The following HTR1F variants were observed in gnomAD, a reference collection of about 807,000 sequenced individuals.
HTR1F encodes the protein 5-hydroxytryptamine (serotonin) receptor 1F, G protein-coupled.
In HTR1F, 17 loss-of-function variants were observed where a neutral mutation model predicts 24.0. The ratio of observed to expected loss-of-function variants is 0.71; its 90% CI spans 0.48 to 1.06. The LOEUF (loss-of-function observed/expected upper bound fraction) is 1.06, where lower values mean the gene tolerates loss of function less well. Among genes scored for constraint, HTR1F ranks in the 50% least tolerant of loss-of-function variants. The probability of loss-of-function intolerance (pLI) is 0.00; values close to 1 mark genes in which losing one functional copy is unlikely to be tolerated. For synonymous variants in HTR1F, 186 were observed against 156.8 expected (o/e 1.19, Z -1.39); for missense variants, 391 against 427.8 (o/e 0.91, Z 0.76).
At chr3:87,842,291 G>A (rs983217993) in intron 2 of HTR1F, among the ~76,000 whole-genome samples, 1 of 151,604 alleles carries the variant, frequency 6.6e-6, no homozygotes. Flanking sequence ...CTCCCGAGTA[G>A]CTGGGATTAT....
At chr3:87,839,036 T>G (rs895386108) in intron 2 of HTR1F, among the ~76,000 whole-genome samples, 3 of 150,770 alleles carry the variant, frequency 2.0e-5, no homozygotes, top group Non-Finnish European at 4.4e-5. Flanking sequence ...TTTTTTTTTT[T>G]GCTGTCTAGA....
chr3:87,825,431 C>G (rs1199627511), intron 2 of HTR1F, among the ~76,000 whole-genome samples: 1 of 152,100 alleles, frequency 6.6e-6, no homozygotes, highest in East Asian at 1.9e-4. Flanking sequence ...TGTACTATTG[C>G]TTTCATGTCA....
intron 2 of HTR1F, among the ~76,000 whole-genome samples, chr3:87,931,074 T>C (rs149960806): frequency 2.0e-3 from 307 of 151,574 alleles, no homozygotes; most frequent in African/African-American, 7.3e-3. Flanking sequence ...TATTATACTT[T>C]AAGTTTTAGC....
chr3:87,975,682 G>T (rs1192972244), intron 2 of HTR1F, among the ~76,000 whole-genome samples: 4 of 152,160 alleles, frequency 2.6e-5, no homozygotes, highest in African/African-American at 7.2e-5. Flanking sequence ...TTTAGATAAA[G>T]TCAGTGTACA....
At position 87,867,357 on chromosome 3, in the gene HTR1F, GTCTC is replaced by G. The variant is rs61549461; in HGVS notation, c.-43+45248_-43+45251del. On this transcript the variant is annotated intron_variant, in intron 2 of 2. Transcript: ENST00000319595. ...TGTTCTATCTTACCTTTCTCTTTTT[GTCTC>G]TCTCTCTCTCTCTCATATATTTTCT... is the stretch of plus-strand genomic sequence containing the variant. 4.0e-5 allele frequency among the ~76,000 whole-genome samples: 6 copies of G among 149,184 alleles called. No homozygotes were observed. The East Asian group carries it at 9.8e-4, about 24-fold the overall frequency.
At chr3:87,965,802 ATTC>A (rs1559651019) in intron 2 of HTR1F, among the ~76,000 whole-genome samples, 2 of 152,206 alleles carry the variant, frequency 1.3e-5, no homozygotes, top group Non-Finnish European at 2.9e-5. Flanking sequence ...GTGCCTGTGA[ATTC>A]TTCTTCAAGT....
intron 2 of HTR1F, among the ~76,000 whole-genome samples, chr3:87,923,347 T>TG (rs1704052653): frequency 6.6e-6 from 1 of 151,990 alleles, no homozygotes; most frequent in Non-Finnish European, 1.5e-5. Flanking sequence ...GCAGGTCTCT[T>TG]GGGGGACATG....
intron 2 of HTR1F, chr3:87,910,407 A>C (rs1703752738): frequency 6.6e-6 from 1 of 152,032 alleles, no homozygotes; most frequent in South Asian, 2.1e-4. Flanking sequence ...GGTTCAATTC[A>C]ACAAGGAAAC....
rs2107528386 is a variant in HTR1F, at chr3:87,991,567, A to C, written c.818A>C (p.Lys273Thr). 6.2e-7 allele frequency: 1 copy of C among 1,614,070 alleles called. No individual in the cohort carries two copies. Among genetic ancestry groups the C allele is most frequent in the South Asian group, 1.1e-5 (1 of 91,082 alleles). The change falls in exon 3 of 3, where the codon AAG becomes ACG. Residue 273 changes from lysine (K) to threonine (T), a missense_variant. Transcript: ENST00000319595. ...STVRSLRSEF[K>T]HEKSWRRQKI... Reference sequence around the variant, plus strand: ...GTGAGAAGTCTCAGGTCTGAATTCAAGCATGAGAAATCTTGGAGAAGGCAA... The same window carrying C: ...GTGAGAAGTCTCAGGTCTGAATTCACGCATGAGAAATCTTGGAGAAGGCAA...
rs750775847 is a variant in HTR1F at position 87,958,327 on chromosome 3, A to G, written c.-42-32381A>G. On this transcript the variant is annotated intron_variant, in intron 2 of 2. Coordinates refer to ENST00000319595, the MANE Select transcript of HTR1F (RefSeq NM_001322209.2). ...TTTTGTTTTTGTTTTGTTTTGTTTT[A>G]TTTTCTGGTCTAATTGTTCCATCAT... is the stretch of plus-strand genomic sequence containing the variant. 1.1e-4 allele frequency among the ~76,000 whole-genome samples: 16 copies of G among 150,738 alleles called. 1 individual carries two copies. Among genetic ancestry groups the G allele is most frequent in the Admixed American group, 2.6e-4 (4 of 15,106 alleles).
intron 2 of HTR1F, among the ~76,000 whole-genome samples, chr3:87,911,073 C>A (rs1362568700): frequency 1.3e-5 from 2 of 151,678 alleles, no homozygotes; most frequent in Non-Finnish European, 2.9e-5. Context: ...ACTAGAGAAG[C>A]AAAAGCAAAC....
chr3:87,978,678 T>C (rs146102447), intron 2 of HTR1F, among the ~76,000 whole-genome samples: 208 of 152,048 alleles, frequency 1.4e-3, no homozygotes, highest in African/African-American at 4.9e-3. Context: ...GTCATCCCAA[T>C]GTCTCTGTGA....
chr3:87,972,327 T>G (rs1404407799), intron 2 of HTR1F, among the ~76,000 whole-genome samples: 1 of 152,204 alleles, frequency 6.6e-6, no homozygotes. Context: ...ATCTATTGCT[T>G]GCCTTTTCTA....
In HTR1F at chr3:87,817,615, C is replaced by G. The variant is rs1327407449; in HGVS notation, c.-159-4393C>G. On this transcript the variant is annotated intron_variant, in intron 1 of 2. Coordinates refer to ENST00000319595, the MANE Select transcript of HTR1F (RefSeq NM_001322209.2). Reference sequence around the variant, plus strand: ...TGTCGTTGTTTTGAATATGAACTAACCAACACTTTTGGCAATACTGCAAAC... The same window carrying G: ...TGTCGTTGTTTTGAATATGAACTAAGCAACACTTTTGGCAATACTGCAAAC... Among the ~76,000 whole-genome samples, 4 of 152,244 alleles carry G rather than the reference C, an allele frequency of 2.6e-5. No individual in the cohort carries two copies. The East Asian group carries it at 7.7e-4, about 29-fold the overall frequency.
At chr3:87,896,951 T>C (rs1333113636) in intron 2 of HTR1F, among the ~76,000 whole-genome samples, 1 of 152,136 alleles carries the variant, frequency 6.6e-6, no homozygotes, top group African/African-American at 2.4e-5. Context: ...CCTTGTACGC[T>C]GTTGGTGGGA....
At chr3:87,866,743 G>A (rs2932285) in intron 2 of HTR1F, among the ~76,000 whole-genome samples, 5 of 151,478 alleles carry the variant, frequency 3.3e-5, no homozygotes, top group Non-Finnish European at 5.9e-5. Context: ...TTCTCTTAAC[G>A]TAGTGATTTC....
chr3:87,928,915 G>A (rs768289629), intron 2 of HTR1F, among the ~76,000 whole-genome samples: 1 of 152,152 alleles, frequency 6.6e-6, no homozygotes, highest in Non-Finnish European at 1.5e-5. Context: ...AGCTGTCTGA[G>A]TCTAAAAGCT....
intron 1 of HTR1F, among the ~76,000 whole-genome samples, chr3:87,803,547 A>C (rs1704027562): frequency 6.6e-6 from 1 of 152,152 alleles, no homozygotes; most frequent in Non-Finnish European, 1.5e-5. Flanking sequence ...ATATTCAGAA[A>C]GGTTACAGTA....
At chr3:87,956,148 C>A (rs1274446015) in intron 2 of HTR1F, among the ~76,000 whole-genome samples, 2 of 151,200 alleles carry the variant, frequency 1.3e-5, no homozygotes, top group African/African-American at 2.4e-5. Context: ...CTAAAATTTT[C>A]TCCAGTGTTG....
Sources: gnomAD v4.1 joint callset for allele counts (sites outside exome capture counted in the v4.1 genomes callset) on GRCh38, gnomAD v4.1.1 for gene constraint, MANE v1.5 for transcripts, NCBI Gene and HGNC (gene_info 2026-07-23, HGNC 2026-07-21) for gene names.